SETD7: variants seen among roughly 807,000 people sequenced by gnomAD.
SETD7 encodes the protein SET domain containing 7, histone lysine methyltransferase, also known as histone-lysine N-methyltransferase SETD7.
In SETD7, 16 loss-of-function variants were observed where a neutral mutation model predicts 41.8. The observed-to-expected ratio is 0.38, with a 90% CI of 0.26 to 0.58. The LOEUF is 0.58. SETD7 is among the 20% of genes least tolerant of loss of function. The probability of loss-of-function intolerance (pLI) is 0.64; values close to 1 mark genes in which losing one functional copy is unlikely to be tolerated. For synonymous variants in SETD7, 163 were observed against 169.7 expected (o/e 0.96, Z 0.31); for missense variants, 346 against 459.7 (o/e 0.75, Z 2.26).
intron 1 of SETD7, among the ~76,000 whole-genome samples, chr4:139,554,904 C>A (rs1728211800): frequency 1.3e-5 from 2 of 152,144 alleles, no homozygotes; most frequent in African/African-American, 4.8e-5. Flanking sequence ...AGTGTCGCCA[C>A]TTTTTTTCTT....
intron 2 of SETD7, among the ~76,000 whole-genome samples, chr4:139,542,709 A>G (rs1409628482): frequency 6.6e-6 from 1 of 152,150 alleles, no homozygotes; most frequent in East Asian, 1.9e-4. Flanking sequence ...TATTCCACTA[A>G]GCATTTGTTA....
downstream of SETD7, among the ~76,000 whole-genome samples, chr4:139,495,308 A>G (rs553971390): frequency 2.6e-5 from 4 of 152,326 alleles, no homozygotes; most frequent in South Asian, 8.3e-4. Flanking sequence ...TTTAGAGGTT[A>G]TATCAGGACA....
At chr4:139,515,705 G>A (rs1727005256) in intron 7 of SETD7, among the ~76,000 whole-genome samples, 1 of 152,170 alleles carries the variant, frequency 6.6e-6, no homozygotes, top group African/African-American at 2.4e-5. Flanking sequence ...GCTTGTTAAG[G>A]GCTGCCAAGG....
At position 139,555,367 on chromosome 4, in the gene SETD7, C is replaced by G. The variant is rs1164633599; in HGVS notation, c.40+731G>C. On this transcript the variant is annotated intron_variant, in intron 1 of 7. Coordinates refer to ENST00000274031, the MANE Select transcript of SETD7 (RefSeq NM_030648.4). This position sits in a 1 kb window ranked among gnomAD's most constrained non-coding sequence, Gnocchi z 4.0. The stretch of plus-strand genomic sequence containing the variant: ...GCAATCTCGGTGCGGACTCGCGGCG[C>G]GCCTGCACAGCGTGGCGGCTGCATC... 1.3e-5 allele frequency among the ~76,000 whole-genome samples: 2 copies of G among 151,404 alleles called. No homozygotes were observed. Among genetic ancestry groups the G allele is most frequent in the Non-Finnish European group, 2.9e-5 (2 of 67,882 alleles).
In SETD7 at chr4:139,509,091, A is replaced by G. The variant is rs1726789201; in HGVS notation, c.*2572T>C. The G allele has an allele frequency of 6.6e-6, 1 of 152,576 alleles. No individual in the cohort carries two copies. Among genetic ancestry groups the G allele is most frequent in the Non-Finnish European group, 1.5e-5 (1 of 68,334 alleles). 9.5% of individuals were successfully genotyped at this position (152,576 alleles called of 1,614,324 possible). On this transcript the variant is annotated 3_prime_UTR_variant, in exon 8 of 8. Transcript: ENST00000274031. ...GACATGCACAGAGCCAGAGAGACTC[A>G]AGAAAGGTCAGTGCAGGGGACTTGG... is the stretch of plus-strand genomic sequence containing the variant.
chr4:139,528,992 T>C (rs1253758758), intron 4 of SETD7, 39 bp downstream of exon 4: 2 of 1,571,838 alleles, frequency 1.3e-6, no homozygotes, highest in Non-Finnish European at 1.7e-6. Context: ...CAACCTGCTT[T>C]GGAATTGGAG....
At chr4:139,501,927 C>T (rs1726585799), downstream of SETD7, among the ~76,000 whole-genome samples, 1 of 152,168 alleles carries the variant, frequency 6.6e-6, no homozygotes, top group African/African-American at 2.4e-5. Context: ...TGTGGCTATG[C>T]CTGGAAAGGT....
chr4:139,532,660 TC>T (rs138573685), intron 3 of SETD7: 2,731 of 156,284 alleles, frequency 0.017, 82 homozygotes, highest in African/African-American at 0.061. Flanking sequence ...TTAATTTTAA[TC>T]ACCTTAATTT....
rs562667601 is a variant in SETD7, at chr4:139,533,320, C to T, written c.217G>A (p.Val73Ile). The T allele has an allele frequency of 1.4e-5, 22 of 1,614,060 alleles. No homozygotes were observed. The highest frequency in any genetic ancestry group is 1.7e-5 in the Non-Finnish European group (20 of 1,180,032). Residue 73 changes from valine (V) to isoleucine (I), a missense_variant, in exon 3 of 8, where the codon GTT (valine) becomes ATT (isoleucine). Physicochemically the swap from Val to Ile is conservative, Grantham distance 29. This residue lies in a region of SETD7 where 266 missense variants were observed against 377.0 expected (regional missense o/e 0.71). Coordinates refer to ENST00000274031, the MANE Select transcript of SETD7 (RefSeq NM_030648.4). Reference sequence around the variant, plus strand: ...ACTCCCCCATCTTCGTAAGTGTAAACTCCCTGGCCCTGCAAGGCATCATCC... The same window carrying T: ...ACTCCCCCATCTTCGTAAGTGTAAATTCCCTGGCCCTGCAAGGCATCATCC... Reference protein sequence around the residue: ...YVDDALQGQGVYTYEDGGVLQ... With the variant: ...YVDDALQGQGIYTYEDGGVLQ...
intron 3 of SETD7, chr4:139,532,571 A>G (rs1026765437): frequency 2.0e-5 from 3 of 152,474 alleles, no homozygotes; most frequent in African/African-American, 7.2e-5. Flanking sequence ...TTAATTTCCA[A>G]CCATGGGTTC....
At chr4:139,521,691 T>G (rs749099523) in intron 5 of SETD7, among the ~76,000 whole-genome samples, 3 of 152,320 alleles carry the variant, frequency 2.0e-5, no homozygotes, top group Non-Finnish European at 4.4e-5. Context: ...TACTGACTTC[T>G]CGTTTGGCCA....
intron 2 of SETD7, among the ~76,000 whole-genome samples, chr4:139,542,320 TGTTCTATTAC>T (rs1315463927): frequency 2.6e-5 from 4 of 152,180 alleles, no homozygotes; most frequent in African/African-American, 9.7e-5. Flanking sequence ...TAAGTTCTGG[TGTTCTATTAC>T]ATAACAGGGT....
intron 4 of SETD7, among the ~76,000 whole-genome samples, chr4:139,527,619 A>G (rs78022364): frequency 0.012 from 1,762 of 152,264 alleles, 43 homozygotes; most frequent in African/African-American, 0.04. Flanking sequence ...CACAGTTGTT[A>G]TGGGCCCATG....
intron 2 of SETD7, among the ~76,000 whole-genome samples, chr4:139,539,300 C>T (rs1238884378): frequency 6.6e-6 from 1 of 152,070 alleles, no homozygotes; most frequent in African/African-American, 2.4e-5. Flanking sequence ...AATTGTGACC[C>T]TTAGTATATA....
chr4:139,533,445 A>ACATG, intron 2 of SETD7, 79 bp from the exon 3 acceptor site: 2 of 1,225,100 alleles, frequency 1.6e-6, no homozygotes, highest in Middle Eastern at 1.9e-4. Context: ...TATCCAAGGA[A>ACATG]CTGCATGCCC....
At chr4:139,493,839 T>C (rs141461324), downstream of SETD7, among the ~76,000 whole-genome samples, 1,300 of 152,316 alleles carry the variant, frequency 8.5e-3, 11 homozygotes, top group Non-Finnish European at 0.012. Flanking sequence ...TGCGGCTGGC[T>C]GCTTTACTGT....
At chr4:139,538,548 C>T (rs370709380) in intron 2 of SETD7, among the ~76,000 whole-genome samples, 339 of 152,240 alleles carry the variant, frequency 2.2e-3, no homozygotes, top group Non-Finnish European at 2.8e-3. Flanking sequence ...AAGCTGGTCT[C>T]GAACTCCTGA....
chr4:139,528,845 G>A (rs1434652510), intron 4 of SETD7, among the ~76,000 whole-genome samples, 186 bp downstream of exon 4: 4 of 152,294 alleles, frequency 2.6e-5, no homozygotes, highest in Admixed American at 2.0e-4. Context: ...ACAGCTGCTC[G>A]GCAGAGCTGT....
At chr4:139,519,272 T>C (rs193116330) in intron 6 of SETD7, among the ~76,000 whole-genome samples, 1 of 152,336 alleles carries the variant, frequency 6.6e-6, no homozygotes. Context: ...ATAGAGCATA[T>C]TGAGGTTCAG....
Sources: gnomAD v4.1 joint callset for allele counts (sites outside exome capture counted in the v4.1 genomes callset) on GRCh38, gnomAD v4.1.1 for gene constraint, gnomAD v4.1.1 regional missense constraint, Gnocchi (gnomAD v3.1) non-coding constraint, MANE v1.5 for transcripts, NCBI Gene and HGNC (gene_info 2026-07-23, HGNC 2026-07-21) for gene names.